The following STK33 variants were observed in gnomAD, a reference collection of about 807,000 sequenced individuals.
The protein encoded by STK33 is serine/threonine-protein kinase 33.
Under a neutral mutation model 58.0 loss-of-function variants are expected in STK33, and 52 were observed. That is an observed-to-expected ratio of 0.90 (90% confidence interval 0.72 to 1.13). The LOEUF (loss-of-function observed/expected upper bound fraction) is 1.13. Ranked by LOEUF, STK33 falls within the 50% of genes most tolerant of loss-of-function variation. STK33 has a pLI of 0.00. For synonymous variants in STK33, 215 were observed against 200.1 expected, an observed-to-expected ratio of 1.07 and a Z score of -0.63; for missense variants, 630 against 604.2, an observed-to-expected ratio of 1.04 and a Z score of -0.45.
intron 1 of STK33, among the ~76,000 whole-genome samples, chr11:8,586,730 A>C (rs917826788): frequency 9.3e-5 from 14 of 149,960 alleles, no homozygotes; most frequent in African/African-American, 2.7e-4. Flanking sequence ...AGGCTGAGGC[A>C]GCAGAATCAC....
chr11:8,365,092 T>C, the STK33 span, among the ~76,000 whole-genome samples: 1 of 151,980 alleles, frequency 6.6e-6, no homozygotes, highest in Non-Finnish European at 1.5e-5. Flanking sequence ...CCCAACCCAT[T>C]TTACAGATAG....
intron 1 of STK33, among the ~76,000 whole-genome samples, chr11:8,536,467 C>T (rs961994071): frequency 3.9e-5 from 6 of 152,254 alleles, no homozygotes; most frequent in African/African-American, 1.4e-4. Context: ...AGGAACTTCA[C>T]AATGGAAGGA....
chr11:8,344,317 G>A, the STK33 span, among the ~76,000 whole-genome samples: 7 of 152,098 alleles, frequency 4.6e-5, no homozygotes, highest in Admixed American at 1.3e-4. Context: ...AGGAGTTTGA[G>A]GCTGCAGTGA....
intron 1 of STK33, among the ~76,000 whole-genome samples, chr11:8,563,948 C>T (rs751561759): frequency 4.6e-5 from 7 of 152,098 alleles, no homozygotes; most frequent in Non-Finnish European, 7.4e-5. Context: ...AAAAAAAGAG[C>T]TACATTGCTG....
the STK33 span, among the ~76,000 whole-genome samples, chr11:8,345,015 T>A: frequency 5.9e-5 from 9 of 152,262 alleles, no homozygotes; most frequent in Non-Finnish European, 1.2e-4. Flanking sequence ...CAGCTCAACG[T>A]CCCCAGCAGA....
In STK33 at chr11:8,457,450, C is replaced by G. The variant is rs1354832426; in HGVS notation, c.588G>C (p.Glu196Asp). ...CCAGAATTTCTTTGAGTTCTCCATC[C>G]TCACAAAGCTCCATCACAAGGTACA... ...KKMYLVMELC[E>D]DGELKEILDR... The change falls in exon 9 of 16, where the codon GAG becomes GAC. Residue 196 changes from glutamate (E) to aspartate (D), a missense_variant. Glu to Asp is a conservative substitution (Grantham distance 45, BLOSUM62 2). Transcript: ENST00000687296. 6.2e-7 allele frequency: 1 copy of G among 1,600,738 alleles called. No homozygotes were observed. The highest frequency in any genetic ancestry group is 1.3e-5 in the African/African-American group (1 of 74,742).
At chr11:8,538,871 A>C (rs1419584697) in intron 1 of STK33, among the ~76,000 whole-genome samples, 1 of 152,216 alleles carries the variant, frequency 6.6e-6, no homozygotes, top group Non-Finnish European at 1.5e-5. Context: ...ACTTCCTAAA[A>C]GTCAAGGGTC....
At position 8,457,449 on chromosome 11, in the gene STK33, C is replaced by T. The variant is rs1482376157; in HGVS notation, c.589G>A (p.Asp197Asn). ...TCCAGAATTTCTTTGAGTTCTCCATCCTCACAAAGCTCCATCACAAGGTAC... is the reference window on the plus strand; with the variant it reads ...TCCAGAATTTCTTTGAGTTCTCCATTCTCACAAAGCTCCATCACAAGGTAC... ...KMYLVMELCE[D>N]GELKEILDRK... is the part of the protein sequence containing the mutation. Residue 197 changes from aspartate to asparagine, a missense_variant, in exon 9 of 16, where the codon GAT becomes AAT. Coordinates refer to ENST00000687296, the MANE Select transcript of STK33 (RefSeq NM_001352389.2). 1.2e-6 allele frequency: 2 copies of T among 1,601,586 alleles called. No individual in the cohort carries two copies. Among genetic ancestry groups the T allele is most frequent in the Admixed American group, 3.3e-5 (2 of 59,918 alleles).
chr11:8,539,512 G>A (rs1276261881), intron 1 of STK33, among the ~76,000 whole-genome samples: 1 of 152,188 alleles, frequency 6.6e-6, no homozygotes, highest in African/African-American at 2.4e-5. Context: ...AACAGGCTAT[G>A]TCCTACAAAC....
the STK33 span, among the ~76,000 whole-genome samples, chr11:8,359,475 C>G: frequency 6.6e-6 from 1 of 152,174 alleles, no homozygotes. Context: ...AGGTGCTGGT[C>G]TAAACTGAGG....
chr11:8,393,129 G>A (rs926199258), intron 15 of STK33, among the ~76,000 whole-genome samples: 7 of 152,100 alleles, frequency 4.6e-5, no homozygotes, highest in African/African-American at 1.7e-4. Flanking sequence ...GCTACATAAG[G>A]CCCACACTCA....
At chr11:8,455,175 T>C (rs1002876093) in intron 9 of STK33, among the ~76,000 whole-genome samples, 1 of 152,210 alleles carries the variant, frequency 6.6e-6, no homozygotes, top group Non-Finnish European at 1.5e-5. Flanking sequence ...CAGCCAGGTT[T>C]CCCATATCCT....
At chr11:8,413,063 A>T (rs1044853587) in intron 15 of STK33, among the ~76,000 whole-genome samples, 1 of 152,240 alleles carries the variant, frequency 6.6e-6, no homozygotes, top group Non-Finnish European at 1.5e-5. Context: ...CTGGTAGAGT[A>T]CAAAAATTAT....
intron 11 of STK33, among the ~76,000 whole-genome samples, chr11:8,448,446 T>C (rs1481750941): frequency 3.3e-5 from 5 of 152,028 alleles, no homozygotes; most frequent in Admixed American, 6.6e-5. Flanking sequence ...TATAGACCAA[T>C]GGAACAGAAC....
chr11:8,462,474 T>C (rs71474989), intron 7 of STK33, among the ~76,000 whole-genome samples: 11,497 of 76,240 alleles, frequency 0.15, 484 homozygotes, highest in Middle Eastern at 0.26. Context: ...CACACACACA[T>C]ATATATATAT....
intron 10 of STK33, 25 bp from the exon 11 acceptor site, chr11:8,452,931 T>C (rs1338125419): frequency 6.3e-7 from 1 of 1,598,740 alleles, no homozygotes; most frequent in Admixed American, 1.7e-5. Context: ...TCAAGCACAG[T>C]CACCTGTTTT....
At chr11:8,495,864 C>G (rs1951018355) in intron 1 of STK33, among the ~76,000 whole-genome samples, 1 of 148,902 alleles carries the variant, frequency 6.7e-6, no homozygotes, top group Admixed American at 6.8e-5. Flanking sequence ...AACCAAACAC[C>G]AAATGTTCTC....
intron 7 of STK33, among the ~76,000 whole-genome samples, chr11:8,462,736 G>T (rs1947715934): frequency 6.6e-6 from 1 of 152,074 alleles, no homozygotes. Context: ...AGGAGCACAA[G>T]GACTTCATTC....
At chr11:8,545,083 C>A (rs1024731925) in intron 1 of STK33, among the ~76,000 whole-genome samples, 2 of 152,140 alleles carry the variant, frequency 1.3e-5, no homozygotes, top group African/African-American at 2.4e-5. Flanking sequence ...TTAATAAAAT[C>A]TTACAAATAG....
Sources: gnomAD v4.1 joint callset for allele counts (sites outside exome capture counted in the v4.1 genomes callset) on GRCh38, gnomAD v4.1.1 for gene constraint, MANE v1.5 for transcripts, NCBI Gene and HGNC (gene_info 2026-07-23, HGNC 2026-07-21) for gene names.